RNLS: variants seen among roughly 807,000 people sequenced by gnomAD.
RNLS encodes the protein renalase.
In RNLS, 39 loss-of-function variants were observed where a neutral mutation model predicts 39.8. The ratio of observed to expected loss-of-function variants is 0.98; its 90% CI spans 0.76 to 1.28. The LOEUF is 1.28. Ranked by LOEUF, RNLS falls within the 50% of genes most tolerant of loss-of-function variation. The probability of loss-of-function intolerance (pLI) is 0.00; values close to 1 mark genes in which losing one functional copy is unlikely to be tolerated. For synonymous variants in RNLS, 147 were observed against 150.7 expected (o/e 0.98, Z 0.18); for missense variants, 410 against 413.3 (o/e 0.99, Z 0.07).
the RNLS span, among the ~76,000 whole-genome samples, chr10:88,201,329 G>C: frequency 6.6e-6 from 1 of 152,132 alleles, no homozygotes; most frequent in Non-Finnish European, 1.5e-5. Context: ...ACCCATGTTG[G>C]CTTGTGACAT....
At chr10:88,307,751 GC>G (rs1184616862) in intron 6 of RNLS, among the ~76,000 whole-genome samples, 1 of 152,166 alleles carries the variant, frequency 6.6e-6, no homozygotes, top group Non-Finnish European at 1.5e-5. Flanking sequence ...TGGCGATGCT[GC>G]CCACAGCAAT....
In RNLS at chr10:88,284,486, T is replaced by C. The variant is rs1319585507; in HGVS notation, c.*868A>G. 1.0e-6 allele frequency: 1 copy of C among 985,252 alleles called. No homozygotes were observed. The highest frequency in any genetic ancestry group is 6.2e-5 in the Admixed American group (1 of 16,246). The allele number at this position is 985,252 out of a possible 1,614,324, so 61.0% of individuals were successfully genotyped here. On this transcript the variant is annotated 3_prime_UTR_variant, in exon 7 of 7. Transcript: ENST00000331772. ...GCTGAACCACCAACTTGGCAAATAT[T>C]GAACTATTTTAAGTGCATCTATTTT...
chr10:88,333,273 A>C (rs1319117643), intron 5 of RNLS, among the ~76,000 whole-genome samples: 2 of 152,230 alleles, frequency 1.3e-5, no homozygotes, highest in Non-Finnish European at 1.5e-5. Flanking sequence ...TTGGTGTTTT[A>C]AAACTACTTT....
At chr10:88,330,832 A>G (rs1181533050) in intron 5 of RNLS, among the ~76,000 whole-genome samples, 4 of 152,162 alleles carry the variant, frequency 2.6e-5, no homozygotes, top group East Asian at 1.9e-4. Flanking sequence ...AAGAAATTCA[A>G]TGAGTAGAGA....
chr10:88,330,070 G>GATATATATATATATATATATATAT lies in RNLS; in HGVS notation c.701-15430_701-15429insATATATATATATATATATATATAT, dbSNP rs59527333. On this transcript the variant is annotated intron_variant, in intron 5 of 6. Transcript: ENST00000331772. ...TTGCATGGTTTTCTGTCTGTTTTGA[G>GATATATATATATATATATATATAT]ATATATATATATATATATATAAATA... is the stretch of plus-strand genomic sequence containing the variant. Among the ~76,000 whole-genome samples, 12 of 140,522 alleles carry GATATATATATATATATATATATAT rather than the reference G, an allele frequency of 8.5e-5. No individual in the cohort carries two copies. In the South Asian group the frequency reaches 1.6e-3, roughly 18 times the overall value. 92.2% of individuals were successfully genotyped at this position (140,522 alleles called of 152,430 possible).
At chr10:88,503,878 T>C (rs998203489) in intron 4 of RNLS, among the ~76,000 whole-genome samples, 2 of 152,170 alleles carry the variant, frequency 1.3e-5, no homozygotes, top group Admixed American at 6.6e-5. Context: ...AAAATGACTA[T>C]GGTTTTTGCC....
chr10:88,575,210 G>GTT (rs1850124249), intron 3 of RNLS, among the ~76,000 whole-genome samples: 1 of 104,180 alleles, frequency 9.6e-6, no homozygotes, highest in Admixed American at 1.0e-4. Flanking sequence ...ATATATATGT[G>GTT]TGTGTATATA....
chr10:88,581,983 A>G (rs928800761), intron 2 of RNLS, among the ~76,000 whole-genome samples: 3 of 152,250 alleles, frequency 2.0e-5, no homozygotes, highest in African/African-American at 7.2e-5. Context: ...AAGTAAAGTT[A>G]ATGAAAACAA....
the RNLS span, among the ~76,000 whole-genome samples, chr10:88,242,141 G>T: frequency 6.6e-6 from 1 of 152,176 alleles, no homozygotes; most frequent in African/African-American, 2.4e-5. Flanking sequence ...AAAAAATAGA[G>T]AAGAGATTAC....
intron 4 of RNLS, among the ~76,000 whole-genome samples, chr10:88,501,262 T>A (rs1465332552): frequency 6.6e-6 from 1 of 152,154 alleles, no homozygotes; most frequent in Non-Finnish European, 1.5e-5. Context: ...TAAAAGTCAT[T>A]ACCTTTAATA....
chr10:88,551,692 AAAG>A lies in RNLS; in HGVS notation c.526+21208_526+21210del, dbSNP rs200263550. On this transcript the variant is annotated intron_variant, in intron 4 of 6. Coordinates refer to ENST00000331772, the MANE Select transcript of RNLS (RefSeq NM_001031709.3). ...AGAAAATGACTGGTTGCAAAAAAAA[AAAG>A]AAGAAGAACACAAGCTTTGTAGTCA... Among the ~76,000 whole-genome samples the A allele has an allele frequency of 4.4e-3, 675 of 152,184 alleles. 12 individuals are homozygous for A. Among genetic ancestry groups the A allele is most frequent in the East Asian group, 9.1e-3 (47 of 5,176 alleles).
chr10:88,237,605 GA>G, the RNLS span, among the ~76,000 whole-genome samples: 1 of 152,064 alleles, frequency 6.6e-6, no homozygotes, highest in Non-Finnish European at 1.5e-5. Flanking sequence ...TGAGACCACA[GA>G]AAAGACTTTC....
chr10:88,489,763 C>T (rs1295849360), intron 4 of RNLS, among the ~76,000 whole-genome samples: 1 of 152,184 alleles, frequency 6.6e-6, no homozygotes. Flanking sequence ...AGTTCATCAT[C>T]TGAGATTTGC....
chr10:88,302,310 T>A (rs755112319), intron 6 of RNLS, among the ~76,000 whole-genome samples: 2 of 152,220 alleles, frequency 1.3e-5, no homozygotes, highest in Non-Finnish European at 2.9e-5. Context: ...GATTTTATTA[T>A]GGAAAAGAAC....
At chr10:88,228,911 C>A in the RNLS span, among the ~76,000 whole-genome samples, 1 of 152,148 alleles carries the variant, frequency 6.6e-6, no homozygotes, top group East Asian at 1.9e-4. Context: ...TCCTCCTACT[C>A]AATGTAGGGA....
In RNLS at chr10:88,453,653, G is replaced by T. The variant is rs1842470103; in HGVS notation, c.527-90928C>A. On this transcript the variant is annotated intron_variant, in intron 4 of 6. Coordinates refer to ENST00000331772, the MANE Select transcript of RNLS (RefSeq NM_001031709.3). ...AGTATCTGCAGATCATTCATGTGGA[G>T]AAATTTGCTCCTTATTTATGTGTTC... Among the ~76,000 whole-genome samples the T allele has an allele frequency of 2.6e-5, 4 of 152,176 alleles. No homozygotes were observed. The South Asian group carries it at 8.3e-4, about 32-fold the overall frequency.
At chr10:88,547,691 T>C (rs1421255338) in intron 4 of RNLS, among the ~76,000 whole-genome samples, 1 of 152,186 alleles carries the variant, frequency 6.6e-6, no homozygotes, top group Non-Finnish European at 1.5e-5. Context: ...TCTTAGAAGT[T>C]TTAGTGATCT....
chr10:88,304,273 T>C (rs1235417228), intron 6 of RNLS, among the ~76,000 whole-genome samples: 2 of 152,106 alleles, frequency 1.3e-5, no homozygotes, highest in Non-Finnish European at 2.9e-5. Flanking sequence ...CCCTGAAAAC[T>C]CAAAAAGCCA....
At chr10:88,171,964 C>T in the RNLS span, among the ~76,000 whole-genome samples, 1 of 152,124 alleles carries the variant, frequency 6.6e-6, no homozygotes, top group East Asian at 1.9e-4. Flanking sequence ...CCAGGCTTGG[C>T]CATATTGTGG....
Sources: gnomAD v4.1 joint callset for allele counts (sites outside exome capture counted in the v4.1 genomes callset) on GRCh38, gnomAD v4.1.1 for gene constraint, MANE v1.5 for transcripts, NCBI Gene and HGNC (gene_info 2026-07-23, HGNC 2026-07-21) for gene names.